The following THRB variants were observed in gnomAD, a reference collection of about 807,000 sequenced individuals.
THRB encodes thyroid hormone receptor beta.
In THRB, 12 loss-of-function variants were observed where a neutral mutation model predicts 47.8. The observed-to-expected ratio is 0.25, with a 90% confidence interval of 0.16 to 0.41. The LOEUF (loss-of-function observed/expected upper bound fraction) is 0.41, where lower values mean the gene tolerates loss of function less well. Among genes scored for constraint, THRB ranks in the 10% least tolerant of loss-of-function variants. The pLI is 1.00. For synonymous variants in THRB, 218 were observed against 212.2 expected (o/e 1.03, Z -0.24); for missense variants, 348 against 589.2 (o/e 0.59, Z 4.24).
At chr3:24,130,216 G>A (rs1233375071) in intron 9 of THRB, among the ~76,000 whole-genome samples, 1 of 152,188 alleles carries the variant, frequency 6.6e-6, no homozygotes, top group Non-Finnish European at 1.5e-5. Context: ...GGTAGAAGGA[G>A]AGATGGAATC....
intron 3 of THRB, among the ~76,000 whole-genome samples, chr3:24,256,620 C>T (rs965576858): frequency 6.6e-6 from 1 of 152,040 alleles, no homozygotes; most frequent in African/African-American, 2.4e-5. Context: ...GAGAGAGATA[C>T]GTGTCTCAAG....
chr3:24,293,283 A>T (rs575925187), intron 3 of THRB, among the ~76,000 whole-genome samples: 1 of 152,344 alleles, frequency 6.6e-6, no homozygotes, highest in Non-Finnish European at 1.5e-5. Context: ...TCCCAGTATC[A>T]TTCAATCATA....
At chr3:24,272,811 T>G (rs2053492582) in intron 3 of THRB, among the ~76,000 whole-genome samples, 1 of 152,204 alleles carries the variant, frequency 6.6e-6, no homozygotes, top group African/African-American at 2.4e-5. Context: ...TTTTCAAACT[T>G]CAAATATTCA....
At chr3:24,309,162 C>T (rs562009263) in intron 2 of THRB, among the ~76,000 whole-genome samples, 11 of 152,264 alleles carry the variant, frequency 7.2e-5, no homozygotes, top group Admixed American at 7.2e-4. Flanking sequence ...TACCTTACCT[C>T]CTTGGCCTTT....
At chr3:24,231,839 A>T (rs1033913655) in intron 3 of THRB, among the ~76,000 whole-genome samples, 1 of 152,160 alleles carries the variant, frequency 6.6e-6, no homozygotes, top group African/African-American at 2.4e-5. Context: ...AAATCATGGG[A>T]TCAAAGGAGA....
chr3:24,219,002 C>G (rs1015223435), intron 4 of THRB, among the ~76,000 whole-genome samples: 1 of 152,336 alleles, frequency 6.6e-6, no homozygotes. Flanking sequence ...CGTGGTGGCT[C>G]ATGCCTGTAA....
Position 24,119,740 on chromosome 3 carries a change from A to T in THRB, c.*3144T>A, listed in dbSNP as rs531865556. 6 of 152,366 alleles carry T rather than the reference A, an allele frequency of 3.9e-5. No homozygotes were observed. The highest frequency in any genetic ancestry group is 8.8e-5 in the Non-Finnish European group (6 of 68,036). The allele number at this position is 152,366 out of a possible 1,614,324, so 9.4% of individuals were successfully genotyped here. A position where few individuals can be genotyped will look rare whatever the true frequency, so the allele number is the denominator to read the frequency against. On this transcript the variant is annotated 3_prime_UTR_variant, in exon 11 of 11. Transcript: ENST00000646209. ...GCGTCATTGAGGACCGAGGCTCTAG[A>T]AAAAGCTCTGAGGCGGCACGTGGTG... is the stretch of plus-strand genomic sequence containing the variant.
chr3:24,249,424 T>C (rs1216852176), intron 3 of THRB, among the ~76,000 whole-genome samples: 1 of 152,198 alleles, frequency 6.6e-6, no homozygotes, highest in African/African-American at 2.4e-5. Flanking sequence ...CCTTGTTCTC[T>C]AGTATTTTCA....
At chr3:24,189,935 C>A in intron 5 of THRB, 139 bp downstream of exon 5, 3 of 780,640 alleles carry the variant, frequency 3.8e-6, no homozygotes, top group South Asian at 3.3e-5. Context: ...AAGAAAAGGA[C>A]GCCTAGTAAA....
chr3:24,278,386 T>C (rs952953439), intron 3 of THRB, among the ~76,000 whole-genome samples: 1 of 152,156 alleles, frequency 6.6e-6, no homozygotes, highest in African/African-American at 2.4e-5. Context: ...ATATTAAAAA[T>C]CAGGCAGATT....
chr3:24,481,329 G>T lies in THRB; in HGVS notation c.-261+13323C>A, dbSNP rs574480030. On this transcript the variant is annotated intron_variant, in intron 1 of 10. Coordinates refer to ENST00000646209, the MANE Select transcript of THRB (RefSeq NM_001354712.2). ...CTTATTTATAATGCAGGACAGCAGGGCCTTGTAAGTGTATATTCTGGTTCA... is the reference window on the plus strand; with the variant it reads ...CTTATTTATAATGCAGGACAGCAGGTCCTTGTAAGTGTATATTCTGGTTCA... Among the ~76,000 whole-genome samples, 14 of 148,770 alleles carry T rather than the reference G, an allele frequency of 9.4e-5. No homozygotes were observed. In the South Asian group the frequency reaches 2.5e-3, roughly 27 times the overall value.
intron 5 of THRB, among the ~76,000 whole-genome samples, chr3:24,163,050 C>G (rs2039112620): frequency 6.6e-6 from 1 of 152,092 alleles, no homozygotes; most frequent in South Asian, 2.1e-4. Context: ...CCCCACTGAA[C>G]ACCTGTTTAT....
intron 3 of THRB, among the ~76,000 whole-genome samples, chr3:24,284,813 C>G (rs1040456805): frequency 6.6e-5 from 10 of 151,700 alleles, no homozygotes; most frequent in Non-Finnish European, 1.3e-4. Flanking sequence ...TTTATGCAGC[C>G]AAAAAACACA....
intron 5 of THRB, among the ~76,000 whole-genome samples, chr3:24,173,718 C>A (rs2040755752): frequency 6.6e-6 from 1 of 152,192 alleles, no homozygotes; most frequent in African/African-American, 2.4e-5. Context: ...CCTCATCTGT[C>A]TTTTACAATT....
intron 3 of THRB, among the ~76,000 whole-genome samples, chr3:24,288,169 C>G (rs1193547719): frequency 6.6e-6 from 1 of 152,192 alleles, no homozygotes; most frequent in Non-Finnish European, 1.5e-5. Flanking sequence ...AATTGTGACC[C>G]AAGGTAGTAA....
chr3:24,287,296 G>C (rs1317807603), intron 3 of THRB, among the ~76,000 whole-genome samples: 3 of 152,118 alleles, frequency 2.0e-5, no homozygotes, highest in Non-Finnish European at 4.4e-5. Flanking sequence ...AGGGCTACAA[G>C]GACTTAAAAG....
At chr3:24,152,982 GAAAGAAAGA>G (rs1345943740) in intron 5 of THRB, among the ~76,000 whole-genome samples, 2 of 101,832 alleles carry the variant, frequency 2.0e-5, no homozygotes, top group African/African-American at 6.9e-5. Flanking sequence ...AAGAAAGAAA[GAAAGAAAGA>G]AAGAAAGAAA....
intron 1 of THRB, among the ~76,000 whole-genome samples, chr3:24,434,273 C>A (rs2070725777): frequency 6.6e-6 from 1 of 152,122 alleles, no homozygotes; most frequent in South Asian, 2.1e-4. Flanking sequence ...ATAGATTTGC[C>A]TTGGAGCCTT....
chr3:24,454,298 C>A (rs2072957908), intron 1 of THRB, among the ~76,000 whole-genome samples: 1 of 152,074 alleles, frequency 6.6e-6, no homozygotes, highest in Admixed American at 6.6e-5. Flanking sequence ...ATGAGATGTC[C>A]AGAATAGGAA....
Sources: gnomAD v4.1 joint callset for allele counts (sites outside exome capture counted in the v4.1 genomes callset) on GRCh38, gnomAD v4.1.1 for gene constraint, MANE v1.5 for transcripts, NCBI Gene and HGNC (gene_info 2026-07-23, HGNC 2026-07-21) for gene names.